Variants in MGAT4C observed in about 807,000 individuals in gnomAD.
MGAT4C encodes alpha-1,3-mannosyl-glycoprotein 4-beta-N-acetylglucosaminyltransferase C.
A neutral mutation model predicts 40.1 loss-of-function variants in MGAT4C; 19 were observed. The observed-to-expected ratio is 0.47, with a 90% CI of 0.33 to 0.70. The LOEUF is 0.70. Among genes scored for constraint, MGAT4C ranks in the 30% least tolerant of loss-of-function variants. The pLI, the probability that MGAT4C is intolerant of heterozygous loss-of-function variation, is 0.02. For synonymous variants in MGAT4C, 181 were observed against 187.1 expected (o/e 0.97, Z 0.27); for missense variants, 491 against 563.2 (o/e 0.87, Z 1.30).
chr12:86,569,211 C>T (rs2136419613), intron 2 of MGAT4C, among the ~76,000 whole-genome samples: 1 of 152,072 alleles, frequency 6.6e-6, no homozygotes, highest in Non-Finnish European at 1.5e-5. Flanking sequence ...AAAACCTTTG[C>T]ACAGCAAAAG....
chr12:86,401,844 T>G (rs1469194057), intron 3 of MGAT4C, among the ~76,000 whole-genome samples: 1 of 152,076 alleles, frequency 6.6e-6, no homozygotes, highest in Admixed American at 6.6e-5. Context: ...GAAAAATAGT[T>G]AACAGTCAAA....
intron 2 of MGAT4C, among the ~76,000 whole-genome samples, chr12:86,007,411 G>A (rs1045973735): frequency 6.6e-6 from 1 of 151,968 alleles, no homozygotes; most frequent in African/African-American, 2.4e-5. Context: ...GAAATAGTAA[G>A]ATATTTCAGG....
At chr12:86,813,119 G>A (rs1952508889) in intron 1 of MGAT4C, among the ~76,000 whole-genome samples, 1 of 151,932 alleles carries the variant, frequency 6.6e-6, no homozygotes, top group African/African-American at 2.4e-5. Flanking sequence ...TCTTTTGCTT[G>A]CCTCTTGAGT....
chr12:86,805,868 C>T (rs1952343191), intron 1 of MGAT4C, among the ~76,000 whole-genome samples: 1 of 151,896 alleles, frequency 6.6e-6, no homozygotes, highest in Non-Finnish European at 1.5e-5. Flanking sequence ...TTCCCTGCAG[C>T]CTTGCCAGCA....
chr12:86,648,747 G>T (rs1012147095), intron 2 of MGAT4C, among the ~76,000 whole-genome samples: 6 of 151,820 alleles, frequency 4.0e-5, no homozygotes, highest in African/African-American at 1.4e-4. Flanking sequence ...GCTAGAACTG[G>T]CTAAGACAGC....
intron 2 of MGAT4C, among the ~76,000 whole-genome samples, chr12:86,493,292 A>C (rs201820238): frequency 0.01 from 1,549 of 151,974 alleles, 19 homozygotes; most frequent in East Asian, 0.045. Flanking sequence ...CTATCCCATT[A>C]CTGGGTATAT....
intron 2 of MGAT4C, chr12:86,495,376 G>A (rs556053447): frequency 6.6e-6 from 1 of 152,182 alleles, no homozygotes; most frequent in African/African-American, 2.4e-5. Flanking sequence ...TATAAATATA[G>A]GAATTATACC....
chr12:86,629,013 T>C (rs1270846433), intron 2 of MGAT4C, among the ~76,000 whole-genome samples: 3 of 152,030 alleles, frequency 2.0e-5, no homozygotes, highest in East Asian at 3.9e-4. Context: ...GAGACCCATT[T>C]CATATGCAGA....
At chr12:86,410,195 G>A (rs1956575678) in intron 3 of MGAT4C, among the ~76,000 whole-genome samples, 1 of 152,120 alleles carries the variant, frequency 6.6e-6, no homozygotes, top group Non-Finnish European at 1.5e-5. Flanking sequence ...AACAGGGTTT[G>A]AGAGCAGAGA....
chr12:86,154,708 C>T (rs1225653800), intron 1 of MGAT4C, among the ~76,000 whole-genome samples: 1 of 152,064 alleles, frequency 6.6e-6, no homozygotes, highest in African/African-American at 2.4e-5. Flanking sequence ...AAGTGAATTT[C>T]GTTTTTGGCA....
At position 86,486,036 on chromosome 12, in the gene MGAT4C, C is replaced by T. The variant is rs191071304; in HGVS notation, c.-228-50771G>A. On this transcript the variant is annotated intron_variant, in intron 2 of 7. Coordinates refer to the MGAT4C transcript ENST00000548651. ...TCAGACAAGCAAACATTAAGGGAATCCATTATCGCTAGACAAGCCTTATAA... is the reference window on the plus strand; with the variant it reads ...TCAGACAAGCAAACATTAAGGGAATTCATTATCGCTAGACAAGCCTTATAA... 3.3e-3 allele frequency among the ~76,000 whole-genome samples: 499 copies of T among 152,142 alleles called. 3 individuals are homozygous for T. The highest frequency in any genetic ancestry group is 0.011 in the African/African-American group (477 of 41,532).
intron 2 of MGAT4C, among the ~76,000 whole-genome samples, chr12:86,611,478 A>G (rs1418635843): frequency 1.3e-5 from 2 of 151,802 alleles, no homozygotes; most frequent in African/African-American, 4.8e-5. Context: ...AGATAGATAG[A>G]TAGATAGATA....
intron 2 of MGAT4C, chr12:86,601,172 C>G (rs1961759824): frequency 6.6e-6 from 1 of 152,596 alleles, no homozygotes; most frequent in Non-Finnish European, 1.5e-5. Context: ...GGGCCATGAA[C>G]GGCCTGTTGA....
intron 2 of MGAT4C, among the ~76,000 whole-genome samples, chr12:86,693,262 T>C (rs1036757216): frequency 6.6e-6 from 1 of 152,212 alleles, no homozygotes; most frequent in East Asian, 1.9e-4. Context: ...TATTATTATG[T>C]CATGTATACA....
At chr12:86,741,964 T>C (rs1278316690) in intron 1 of MGAT4C, among the ~76,000 whole-genome samples, 1 of 151,504 alleles carries the variant, frequency 6.6e-6, no homozygotes, top group Non-Finnish European at 1.5e-5. Flanking sequence ...AACATTATTT[T>C]CACATATTTG....
intron 2 of MGAT4C, among the ~76,000 whole-genome samples, chr12:86,701,030 T>C (rs879266438): frequency 2.1e-4 from 32 of 152,230 alleles, no homozygotes; most frequent in Middle Eastern, 3.4e-3. Flanking sequence ...GATATAAGAC[T>C]ACTCTATTTT....
chr12:86,441,712 T>C (rs1313986507), intron 2 of MGAT4C, among the ~76,000 whole-genome samples: 2 of 152,094 alleles, frequency 1.3e-5, no homozygotes, highest in Admixed American at 6.5e-5. Context: ...TTCCATGGTG[T>C]ATATGTGCCA....
At chr12:86,159,606 T>C (rs1885367478) in intron 1 of MGAT4C, among the ~76,000 whole-genome samples, 2 of 151,988 alleles carry the variant, frequency 1.3e-5, no homozygotes, top group African/African-American at 4.8e-5. Flanking sequence ...TTGGTATATT[T>C]TTTTTCTTTT....
At chr12:86,244,464 C>CT (rs760987005) in intron 1 of MGAT4C, among the ~76,000 whole-genome samples, 4 of 152,184 alleles carry the variant, frequency 2.6e-5, no homozygotes, top group Admixed American at 6.5e-5. Flanking sequence ...AAATTAAACT[C>CT]TAATAGAGAA....
Sources: allele counts gnomAD v4.1 joint callset (sites outside exome capture counted in the v4.1 genomes callset), GRCh38; gene constraint gnomAD v4.1.1; transcripts MANE v1.5; gene names NCBI Gene and HGNC (gene_info 2026-07-23, HGNC 2026-07-21).